SORCS3: variants seen among roughly 807,000 people sequenced by gnomAD.
SORCS3 encodes VPS10 domain-containing receptor SorCS3.
SORCS3 carries 57 observed loss-of-function variants against 146.3 expected under a neutral mutation model. The observed-to-expected ratio is 0.39, with a 90% CI of 0.31 to 0.49. The LOEUF (loss-of-function observed/expected upper bound fraction) is 0.49, where lower values mean the gene tolerates loss of function less well. Ranked by LOEUF, SORCS3 falls within the 20% of genes least tolerant of loss-of-function variation. SORCS3 has a pLI of 0.92. For synonymous variants in SORCS3, 653 were observed against 618.5 expected (o/e 1.06, Z -0.83); for missense variants, 1,341 against 1,575.5 (o/e 0.85, Z 2.52).
intron 15 of SORCS3, 110 bp from the exon 16 acceptor site, chr10:105,201,010 C>T (rs1461664808): frequency 8.4e-7 from 1 of 1,192,254 alleles, no homozygotes. Flanking sequence ...GAGACTGCTA[C>T]ATAAAGTACC....
At chr10:105,022,297 CTTTT>C (rs55738895) in intron 4 of SORCS3, among the ~76,000 whole-genome samples, 1 of 130,066 alleles carries the variant, frequency 7.7e-6, no homozygotes, top group Admixed American at 7.8e-5. Flanking sequence ...TTTTTCTTTT[CTTTT>C]TTTTTTTTTT....
intron 4 of SORCS3, among the ~76,000 whole-genome samples, chr10:105,022,640 C>T (rs961267361): frequency 6.6e-6 from 1 of 152,112 alleles, no homozygotes; most frequent in Non-Finnish European, 1.5e-5. Flanking sequence ...AAAGATGTAT[C>T]CCAATTGTCA....
chr10:105,156,760 C>A (rs1394190356), intron 9 of SORCS3, among the ~76,000 whole-genome samples: 1 of 152,138 alleles, frequency 6.6e-6, no homozygotes, highest in Non-Finnish European at 1.5e-5. Context: ...CTACAGGCCT[C>A]TTCTGAGCAG....
intron 4 of SORCS3, among the ~76,000 whole-genome samples, chr10:105,005,491 A>T (rs576804909): frequency 6.6e-6 from 1 of 152,254 alleles, no homozygotes; most frequent in South Asian, 2.1e-4. Context: ...AAAGGCTGAG[A>T]CTTGGAGGAT....
intron 4 of SORCS3, among the ~76,000 whole-genome samples, chr10:105,036,396 A>T (rs1189556394): frequency 6.6e-6 from 1 of 152,114 alleles, no homozygotes; most frequent in African/African-American, 2.4e-5. Flanking sequence ...GAGATCAGGG[A>T]ACCTTGTGCT....
chr10:104,959,811 C>T (rs1214683638), intron 3 of SORCS3, among the ~76,000 whole-genome samples: 3 of 152,182 alleles, frequency 2.0e-5, no homozygotes, highest in Non-Finnish European at 2.9e-5. Context: ...GTGCTTTGAA[C>T]ATCTGCCAAC....
chr10:104,981,018 C>T (rs1462313895), intron 4 of SORCS3, among the ~76,000 whole-genome samples: 1 of 151,684 alleles, frequency 6.6e-6, no homozygotes, highest in Non-Finnish European at 1.5e-5. Flanking sequence ...CTTCTGAGTC[C>T]TCCAAAGCTG....
chr10:104,727,342 A>G (rs1565420), intron 1 of SORCS3, among the ~76,000 whole-genome samples: 119,783 of 152,008 alleles, frequency 0.79, 47,373 homozygotes, highest in East Asian at 0.94. Context: ...ATAGAAAAGC[A>G]TACATATATC....
intron 3 of SORCS3, among the ~76,000 whole-genome samples, chr10:104,932,214 G>A (rs993391921): frequency 2.0e-5 from 3 of 152,144 alleles, no homozygotes; most frequent in South Asian, 2.1e-4. Context: ...TACAGAACCC[G>A]TCTTGCCTCA....
chr10:104,932,082 C>T (rs1208836053), intron 3 of SORCS3, among the ~76,000 whole-genome samples: 1 of 152,194 alleles, frequency 6.6e-6, no homozygotes, highest in Non-Finnish European at 1.5e-5. Flanking sequence ...GTCTCAGCCG[C>T]CCTGCCTTGA....
chr10:105,173,073 G>A (rs1479751157), intron 13 of SORCS3, among the ~76,000 whole-genome samples: 1 of 151,898 alleles, frequency 6.6e-6, no homozygotes, highest in African/African-American at 2.4e-5. Flanking sequence ...TCCATCAAAA[G>A]GTCTTCTTAA....
intron 4 of SORCS3, among the ~76,000 whole-genome samples, chr10:105,030,719 C>T (rs540277741): frequency 7.3e-4 from 111 of 151,958 alleles, no homozygotes; most frequent in Non-Finnish European, 1.4e-3. Flanking sequence ...TAGCCTCCCA[C>T]GTAGCTGGGA....
At chr10:105,121,277 G>A (rs912251249) in intron 7 of SORCS3, among the ~76,000 whole-genome samples, 2 of 152,114 alleles carry the variant, frequency 1.3e-5, no homozygotes, top group African/African-American at 2.4e-5. Context: ...TCAAATTTAT[G>A]TCCAGCATGT....
At chr10:105,103,926 A>G (rs1218834960) in intron 6 of SORCS3, among the ~76,000 whole-genome samples, 5 of 152,230 alleles carry the variant, frequency 3.3e-5, no homozygotes. Context: ...TTCTTTTAGA[A>G]AGGAAAATCT....
rs913040959 is a variant in SORCS3, at chr10:104,717,765, A to T, written c.627+75811A>T. Among the ~76,000 whole-genome samples the T allele has an allele frequency of 6.6e-5, 10 of 152,354 alleles. 1 individual carries two copies. The South Asian group carries it at 2.1e-3, about 32-fold the overall frequency. ...GATTTAAAAAGCCTCAGGATACTGA[A>T]TTATGTTAATCATAAGTCTTAGTCC... On this transcript the variant is annotated intron_variant, in intron 1 of 26. Coordinates refer to ENST00000369701, the MANE Select transcript of SORCS3 (RefSeq NM_014978.3).
At chr10:105,129,056 C>T (rs938416053) in intron 7 of SORCS3, among the ~76,000 whole-genome samples, 4 of 152,062 alleles carry the variant, frequency 2.6e-5, no homozygotes, top group Non-Finnish European at 5.9e-5. Context: ...GACCTTCCAC[C>T]TTTTCCCTTC....
intron 2 of SORCS3, among the ~76,000 whole-genome samples, chr10:104,859,797 A>G (rs530370840): frequency 6.6e-6 from 1 of 151,986 alleles, no homozygotes; most frequent in South Asian, 2.1e-4. Context: ...ACGTTTATGC[A>G]GCCAAAAGAC....
At chr10:104,985,453 A>T (rs2054956789) in intron 4 of SORCS3, among the ~76,000 whole-genome samples, 1 of 152,092 alleles carries the variant, frequency 6.6e-6, no homozygotes, top group Admixed American at 6.6e-5. Flanking sequence ...TGAACCTCTC[A>T]AAGTCATCCA....
At chr10:105,068,175 G>A (rs2055534140) in intron 5 of SORCS3, among the ~76,000 whole-genome samples, 1 of 152,050 alleles carries the variant, frequency 6.6e-6, no homozygotes, top group South Asian at 2.1e-4. Context: ...CCCAAATGTA[G>A]AAGAACTGCA....
Sources: gnomAD v4.1 joint callset for allele counts (sites outside exome capture counted in the v4.1 genomes callset) on GRCh38, gnomAD v4.1.1 for gene constraint, MANE v1.5 for transcripts, NCBI Gene and HGNC (gene_info 2026-07-23, HGNC 2026-07-21) for gene names.